CNTN4: variants seen among roughly 807,000 people sequenced by gnomAD.
The protein encoded by CNTN4 is contactin-4.
In CNTN4, 77 loss-of-function variants were observed where a neutral mutation model predicts 122.5. The observed-to-expected ratio is 0.63, with a 90% confidence interval of 0.52 to 0.76. CNTN4 has a LOEUF of 0.76. CNTN4 is among the 30% of genes least tolerant of loss of function. The pLI, the probability that CNTN4 is intolerant of heterozygous loss-of-function variation, is 0.00. For missense variants in CNTN4, 1,256 were observed against 1,259.1 expected, an observed-to-expected ratio of 1.00 and a Z score of 0.04; for synonymous variants, 512 against 447.0, an observed-to-expected ratio of 1.15 and a Z score of -1.83.
chr3:2,478,908 A>C lies in CNTN4; in HGVS notation c.-88-92508A>C, dbSNP rs145659171. On this transcript the variant is annotated intron_variant, in intron 3 of 24. Transcript: ENST00000418658. ...GCAATGAACATATTTAGCCCTAATT[A>C]TATTATATTTATACTTTAATTTTTA... Among the ~76,000 whole-genome samples the C allele has an allele frequency of 2.7e-3, 418 of 152,152 alleles. 2 individuals are homozygous for C. The highest frequency in any genetic ancestry group is 9.7e-3 in the African/African-American group (403 of 41,548).
intron 6 of CNTN4, among the ~76,000 whole-genome samples, chr3:2,759,380 C>G (rs1457991580): frequency 6.6e-6 from 1 of 152,130 alleles, no homozygotes; most frequent in Non-Finnish European, 1.5e-5. Context: ...CTCCTGACCT[C>G]AGGTGATCTG....
chr3:2,637,099 G>A (rs533658518), intron 4 of CNTN4, among the ~76,000 whole-genome samples: 10 of 151,484 alleles, frequency 6.6e-5, no homozygotes, highest in African/African-American at 2.2e-4. Flanking sequence ...GCACCACCAC[G>A]CCTGGCTAAT....
chr3:2,781,350 A>C (rs1034547068), intron 6 of CNTN4, among the ~76,000 whole-genome samples: 7 of 152,216 alleles, frequency 4.6e-5, no homozygotes, highest in African/African-American at 1.4e-4. Context: ...GTTTTTAAAA[A>C]ATGGGAAAAA....
At chr3:2,665,815 T>A (rs113257397) in intron 4 of CNTN4, among the ~76,000 whole-genome samples, 3 of 152,300 alleles carry the variant, frequency 2.0e-5, no homozygotes, top group African/African-American at 7.2e-5. Context: ...AAATATGGGG[T>A]ATCCACATCC....
intron 10 of CNTN4, among the ~76,000 whole-genome samples, chr3:2,888,967 C>G (rs2094007857): frequency 6.6e-6 from 1 of 151,424 alleles, no homozygotes; most frequent in Non-Finnish European, 1.5e-5. Context: ...GTCAGAATGG[C>G]CACCAGGCAG....
chr3:2,368,480 A>G (rs2045500597), intron 3 of CNTN4, among the ~76,000 whole-genome samples: 1 of 152,044 alleles, frequency 6.6e-6, no homozygotes, highest in Non-Finnish European at 1.5e-5. Flanking sequence ...TTCTTTACCT[A>G]TCCTATGTGC....
intron 4 of CNTN4, among the ~76,000 whole-genome samples, chr3:2,672,761 T>C (rs1314554155): frequency 6.6e-6 from 1 of 152,194 alleles, no homozygotes; most frequent in Admixed American, 6.5e-5. Context: ...TATGCAACTT[T>C]CCATTGCTCA....
At chr3:2,476,775 T>C (rs1193929208) in intron 3 of CNTN4, among the ~76,000 whole-genome samples, 1 of 152,210 alleles carries the variant, frequency 6.6e-6, no homozygotes, top group Non-Finnish European at 1.5e-5. Flanking sequence ...ACTCCTTGAA[T>C]TATACACTTA....
At chr3:2,192,299 C>T (rs112092054) in intron 2 of CNTN4, among the ~76,000 whole-genome samples, 7,768 of 151,878 alleles carry the variant, frequency 0.051, 275 homozygotes, top group Non-Finnish European at 0.075. Context: ...CTTGAGGAAT[C>T]GCCACACTGT....
intron 2 of CNTN4, among the ~76,000 whole-genome samples, chr3:2,105,415 G>T (rs1381323547): frequency 6.6e-6 from 1 of 152,158 alleles, no homozygotes; most frequent in Non-Finnish European, 1.5e-5. Flanking sequence ...TGGGTAATTT[G>T]TAAAGGAAAG....
chr3:2,134,355 G>A (rs2034587619), intron 2 of CNTN4, among the ~76,000 whole-genome samples: 1 of 152,160 alleles, frequency 6.6e-6, no homozygotes, highest in Non-Finnish European at 1.5e-5. Context: ...ACCCCAGTCT[G>A]CATCTGAAAA....
Position 2,909,316 on chromosome 3 carries a change from C to T in CNTN4, c.1207+6311C>T, listed in dbSNP as rs1186984182. On this transcript the variant is annotated intron_variant, in intron 12 of 24. Transcript: ENST00000418658. ...ATCAAGTTATTGATCATATACGTAC[C>T]AGTAGTAGGAGGATGTCATTACTCA... Among the ~76,000 whole-genome samples the T allele has an allele frequency of 3.3e-5, 5 of 152,020 alleles. No homozygotes were observed. The East Asian group carries it at 9.6e-4, about 29-fold the overall frequency.
intron 2 of CNTN4, among the ~76,000 whole-genome samples, chr3:2,246,340 G>C (rs2040147653): frequency 1.3e-5 from 2 of 152,004 alleles, no homozygotes; most frequent in Admixed American, 6.6e-5. Context: ...CAATTGTGGG[G>C]ATAATAAGGA....
At chr3:2,771,398 T>C (rs974700434) in intron 6 of CNTN4, among the ~76,000 whole-genome samples, 3 of 152,208 alleles carry the variant, frequency 2.0e-5, no homozygotes, top group Non-Finnish European at 2.9e-5. Flanking sequence ...TGTTGGAAAC[T>C]GATCAAGCAA....
chr3:2,870,989 C>T (rs993049542), intron 8 of CNTN4, among the ~76,000 whole-genome samples: 3 of 152,098 alleles, frequency 2.0e-5, no homozygotes, highest in Non-Finnish European at 4.4e-5. Flanking sequence ...CCTGCAAAAC[C>T]CTGGGGCTCC....
At chr3:2,950,561 G>A (rs1172007032) in intron 13 of CNTN4, among the ~76,000 whole-genome samples, 1 of 152,210 alleles carries the variant, frequency 6.6e-6, no homozygotes, top group Non-Finnish European at 1.5e-5. Flanking sequence ...GCCCAAAGAT[G>A]CTGGACTAGG....
At chr3:2,125,083 T>A (rs890125509) in intron 2 of CNTN4, among the ~76,000 whole-genome samples, 6 of 152,248 alleles carry the variant, frequency 3.9e-5, no homozygotes, top group African/African-American at 1.4e-4. Context: ...ATTGAAATTT[T>A]ATACCCTTTG....
chr3:2,248,569 A>G (rs1257179604), intron 2 of CNTN4, among the ~76,000 whole-genome samples: 1 of 152,012 alleles, frequency 6.6e-6, no homozygotes, highest in African/African-American at 2.4e-5. Context: ...TTAAAGGCCA[A>G]TAACATTTGT....
chr3:2,379,205 CT>C (rs1575501138), intron 3 of CNTN4, among the ~76,000 whole-genome samples: 2 of 152,054 alleles, frequency 1.3e-5, no homozygotes, highest in South Asian at 2.1e-4. Context: ...TTTCACTTTT[CT>C]TTTTTTCTTT....
Sources: gnomAD v4.1 joint callset for allele counts (sites outside exome capture counted in the v4.1 genomes callset) on GRCh38, gnomAD v4.1.1 for gene constraint, MANE v1.5 for transcripts, NCBI Gene and HGNC (gene_info 2026-07-23, HGNC 2026-07-21) for gene names.